Variants in YIPF4 observed in about 807,000 individuals in gnomAD.
The protein encoded by YIPF4 is protein YIPF4.
In YIPF4, 18 loss-of-function variants were observed where a neutral mutation model predicts 29.4. The ratio of observed to expected loss-of-function variants is 0.61; its 90% CI spans 0.42 to 0.91. YIPF4 has a LOEUF of 0.91. YIPF4 is among the 40% of genes least tolerant of loss of function. YIPF4 has a pLI of 0.00. For synonymous variants in YIPF4, 115 were observed against 104.7 expected, an observed-to-expected ratio of 1.10 and a Z score of -0.60; for missense variants, 279 against 282.7, an observed-to-expected ratio of 0.99 and a Z score of 0.09.
chr2:32,312,486 T>TAAA lies in YIPF4; in HGVS notation c.*6860_*6861insAAA, dbSNP rs1204395922. Reference sequence around the variant, plus strand: ...CTGGGCGACAGAGCGAGAATCCGTCTCAAAAAAAAAAAAAAAAAAAAAAAA... The same window carrying TAAA: ...CTGGGCGACAGAGCGAGAATCCGTCTAAACAAAAAAAAAAAAAAAAAAAAAAAA... On this transcript the variant is annotated 3_prime_UTR_variant, in exon 6 of 6. Coordinates refer to ENST00000238831, the MANE Select transcript of YIPF4 (RefSeq NM_032312.4). The TAAA allele has an allele frequency of 8.5e-5, 1 of 11,830 alleles. No individual in the cohort carries two copies. Among genetic ancestry groups the TAAA allele is most frequent in the Admixed American group, 1.7e-3 (1 of 584 alleles). The allele number at this position is 11,830 out of a possible 1,614,324, so 0.7% of individuals were successfully genotyped here.
chr2:32,280,808 T>TA (rs1459818910), intron 1 of YIPF4, among the ~76,000 whole-genome samples: 27 of 152,290 alleles, frequency 1.8e-4, no homozygotes, highest in Admixed American at 8.5e-4. Flanking sequence ...TAAACTGAGA[T>TA]ACAGCACCCC....
chr2:32,292,146 C>T, intron 2 of YIPF4, 31 bp from the exon 3 acceptor site: 1 of 1,348,848 alleles, frequency 7.4e-7, no homozygotes, highest in Non-Finnish European at 9.7e-7. Flanking sequence ...GAAATGTGTG[C>T]CTTTTGAGAA....
chr2:32,308,466 C>T lies in YIPF4; in HGVS notation c.*2840C>T, dbSNP rs1370772878. ...TGGTGGCTTACGCCTGTAATCCCAG[C>T]AGTTTGGGAGGCCGAGGCAGGTGGA... On this transcript the variant is annotated 3_prime_UTR_variant, in exon 6 of 6. Coordinates refer to ENST00000238831, the MANE Select transcript of YIPF4 (RefSeq NM_032312.4). 7 of 152,480 alleles carry T rather than the reference C, an allele frequency of 4.6e-5. No individual in the cohort carries two copies. The highest frequency in any genetic ancestry group is 4.4e-5 in the Non-Finnish European group (3 of 68,348). The allele number at this position is 152,480 out of a possible 1,614,324, so 9.4% of individuals were successfully genotyped here.
In YIPF4 at chr2:32,310,403, A is replaced by G. The variant is rs1240071831; in HGVS notation, c.*4777A>G. On this transcript the variant is annotated 3_prime_UTR_variant, in exon 6 of 6. Coordinates refer to ENST00000238831, the MANE Select transcript of YIPF4 (RefSeq NM_032312.4). Reference sequence around the variant, plus strand: ...AGTGCTTCATTCCTCATTTGTGTACAGCTGTTCCTCTATATACGAAGGGGA... The same window carrying G: ...AGTGCTTCATTCCTCATTTGTGTACGGCTGTTCCTCTATATACGAAGGGGA... 1.3e-5 allele frequency: 2 copies of G among 152,150 alleles called. No individual in the cohort carries two copies. Among genetic ancestry groups the G allele is most frequent in the Non-Finnish European group, 2.9e-5 (2 of 68,042 alleles). The allele number at this position is 152,150 out of a possible 1,614,324, so 9.4% of individuals were successfully genotyped here. A position where few individuals can be genotyped will look rare whatever the true frequency, so the allele number is the denominator to read the frequency against.
intron 3 of YIPF4, among the ~76,000 whole-genome samples, chr2:32,294,099 G>T (rs1558478129): frequency 7.3e-5 from 11 of 150,312 alleles, no homozygotes; most frequent in Admixed American, 6.6e-4. Context: ...CCCGGACAGG[G>T]TGGCTGGCCA....
rs534644749 is a variant in YIPF4 at position 32,316,060 on chromosome 2, A to G, written c.*10434A>G. 2.7e-5 allele frequency: 4 copies of G among 150,898 alleles called. No individual in the cohort carries two copies. Among genetic ancestry groups the G allele is most frequent in the African/African-American group, 9.7e-5 (4 of 41,212 alleles). The allele number at this position is 150,898 out of a possible 1,614,324, so 9.3% of individuals were successfully genotyped here. A position where few individuals can be genotyped will look rare whatever the true frequency, so the allele number is the denominator to read the frequency against. On this transcript the variant is annotated 3_prime_UTR_variant, in exon 6 of 6. Transcript: ENST00000238831. ...AAAAAACCAAAAAAAAAAAAAAAGTATAAAGCACAGAAGCGAAAGGAAAAG... is the reference window on the plus strand; with the variant it reads ...AAAAAACCAAAAAAAAAAAAAAAGTGTAAAGCACAGAAGCGAAAGGAAAAG...
intron 3 of YIPF4, among the ~76,000 whole-genome samples, chr2:32,296,301 A>G (rs1452300341): frequency 6.6e-6 from 1 of 151,976 alleles, no homozygotes; most frequent in African/African-American, 2.4e-5. Flanking sequence ...GTGAAACCCC[A>G]TCTCTCCTAA....
chr2:32,303,532 A>C (rs1042999166), intron 5 of YIPF4, among the ~76,000 whole-genome samples: 1 of 152,122 alleles, frequency 6.6e-6, no homozygotes, highest in Non-Finnish European at 1.5e-5. Flanking sequence ...CAAAAATACA[A>C]AAATTAGCCG....
chr2:32,306,220 C>T lies in YIPF4; in HGVS notation c.*594C>T. On this transcript the variant is annotated 3_prime_UTR_variant, in exon 6 of 6. Coordinates refer to ENST00000238831, the MANE Select transcript of YIPF4 (RefSeq NM_032312.4). ...TGTATATAGTTTTTAAAATCTCACA[C>T]ATGCTTCGATACTTCCTTGTTAAGA... The T allele has an allele frequency of 2.2e-6, 2 of 903,478 alleles. No individual in the cohort carries two copies. Among genetic ancestry groups the T allele is most frequent in the Non-Finnish European group, 2.6e-6 (2 of 755,324 alleles). The allele number at this position is 903,478 out of a possible 1,614,324, so 56.0% of individuals were successfully genotyped here. A position where few individuals can be genotyped will look rare whatever the true frequency, so the allele number is the denominator to read the frequency against.
chr2:32,313,903 A>C lies in YIPF4; in HGVS notation c.*8277A>C, dbSNP rs1028651383. 1 of 151,902 alleles carries C rather than the reference A, an allele frequency of 6.6e-6. No homozygotes were observed. Among genetic ancestry groups the C allele is most frequent in the African/African-American group, 2.4e-5 (1 of 41,318 alleles). 9.4% of individuals were successfully genotyped at this position (151,902 alleles called of 1,614,324 possible). A position where few individuals can be genotyped will look rare whatever the true frequency, so the allele number is the denominator to read the frequency against. ...TTTTTAGTAGAGACGGGATTTCACC[A>C]TGTTGGTCTCGAACTGCTAACCTCA... On this transcript the variant is annotated 3_prime_UTR_variant, in exon 6 of 6. Coordinates refer to ENST00000238831, the MANE Select transcript of YIPF4 (RefSeq NM_032312.4).
chr2:32,297,119 G>GTT (rs985029797), intron 3 of YIPF4, among the ~76,000 whole-genome samples: 1 of 150,330 alleles, frequency 6.7e-6, no homozygotes, highest in African/African-American at 2.4e-5. Flanking sequence ...GGAATCAACC[G>GTT]TTTTTTTGTT....
chr2:32,301,168 A>T (rs1480636878), intron 4 of YIPF4, among the ~76,000 whole-genome samples: 1 of 152,246 alleles, frequency 6.6e-6, no homozygotes, highest in Non-Finnish European at 1.5e-5. Flanking sequence ...TATTATCAGC[A>T]AATTTATTTT....
chr2:32,299,551 G>GT (rs2031318250), intron 4 of YIPF4, among the ~76,000 whole-genome samples: 1 of 152,218 alleles, frequency 6.6e-6, no homozygotes, highest in Admixed American at 6.5e-5. Context: ...GCTGGGCGCC[G>GT]TGGCTCATAC....
chr2:32,297,272 G>A (rs1322094091), intron 3 of YIPF4, among the ~76,000 whole-genome samples: 3 of 151,956 alleles, frequency 2.0e-5, no homozygotes, highest in African/African-American at 4.8e-5. Context: ...TTACAGGCAT[G>A]TGCCACCATG....
Position 32,315,068 on chromosome 2 carries a change from A to G in YIPF4, c.*9442A>G, listed in dbSNP as rs897318705. ...ACTGATATGGCAGTTTAACAGTGTT[A>G]TTAAGAACTCAAGGTCCATTTATTG... On this transcript the variant is annotated 3_prime_UTR_variant, in exon 6 of 6. Coordinates refer to ENST00000238831, the MANE Select transcript of YIPF4 (RefSeq NM_032312.4). The G allele has an allele frequency of 6.6e-6, 1 of 152,226 alleles. No homozygotes were observed. Among genetic ancestry groups the G allele is most frequent in the African/African-American group, 2.4e-5 (1 of 41,464 alleles). 9.4% of individuals were successfully genotyped at this position (152,226 alleles called of 1,614,324 possible).
chr2:32,303,180 G>A (rs2031464656), intron 5 of YIPF4, among the ~76,000 whole-genome samples: 1 of 152,122 alleles, frequency 6.6e-6, no homozygotes, highest in African/African-American at 2.4e-5. Context: ...ATCAGCCTGG[G>A]CAACGTGGCG....
chr2:32,296,300 C>T (rs1181316314), intron 3 of YIPF4, among the ~76,000 whole-genome samples: 1 of 151,944 alleles, frequency 6.6e-6, no homozygotes, highest in African/African-American at 2.4e-5. Flanking sequence ...GGTGAAACCC[C>T]ATCTCTCCTA....
rs150448002 is a variant in YIPF4, at chr2:32,285,935, A to T, written c.80-4548A>T. Reference sequence around the variant, plus strand: ...CCATATAGGTCTAGTCTTATCACAAATGTTTTCTATACAATATGCTGGTGA... The same window carrying T: ...CCATATAGGTCTAGTCTTATCACAATTGTTTTCTATACAATATGCTGGTGA... On this transcript the variant is annotated intron_variant, in intron 1 of 5. Coordinates refer to ENST00000238831, the MANE Select transcript of YIPF4 (RefSeq NM_032312.4). Among the ~76,000 whole-genome samples the T allele has an allele frequency of 2.8e-3, 420 of 152,264 alleles. 1 individual carries two copies. The highest frequency in any genetic ancestry group is 9.8e-3 in the African/African-American group (406 of 41,558).
chr2:32,290,414 C>G (rs1270781094), intron 1 of YIPF4, 69 bp from the exon 2 acceptor site: 1 of 1,166,748 alleles, frequency 8.6e-7, no homozygotes, highest in African/African-American at 1.6e-5. Context: ...AGTTGAATAT[C>G]TGCTCACTTT....
Sources: allele counts gnomAD v4.1 joint callset (sites outside exome capture counted in the v4.1 genomes callset), GRCh38; gene constraint gnomAD v4.1.1; transcripts MANE v1.5; gene names NCBI Gene and HGNC (gene_info 2026-07-23, HGNC 2026-07-21).